The following AFF3 variants were observed in gnomAD, a reference collection of about 807,000 sequenced individuals.
AFF3 encodes the protein ALF transcription elongation factor 3.
Under a neutral mutation model 129.7 loss-of-function variants are expected in AFF3, and 32 were observed. That is an observed-to-expected ratio of 0.25 (90% CI 0.19 to 0.33). The LOEUF is 0.33. Ranked by LOEUF, AFF3 falls within the 10% of genes least tolerant of loss-of-function variation. The probability of loss-of-function intolerance (pLI) is 1.00; values close to 1 mark genes in which losing one functional copy is unlikely to be tolerated. For missense variants in AFF3, 1,373 were observed against 1,592.0 expected (o/e 0.86, Z 2.34); for synonymous variants, 644 against 635.4 (o/e 1.01, Z -0.20).
At chr2:99,769,711 C>T (rs1376605432) in intron 8 of AFF3, among the ~76,000 whole-genome samples, 3 of 152,192 alleles carry the variant, frequency 2.0e-5, no homozygotes, top group Non-Finnish European at 4.4e-5. Flanking sequence ...GGGGGCACCC[C>T]AAGTCCAGTA....
At chr2:99,556,810 G>A (rs747157525) in intron 22 of AFF3, among the ~76,000 whole-genome samples, 4 of 151,544 alleles carry the variant, frequency 2.6e-5, no homozygotes, top group Non-Finnish European at 5.9e-5. Flanking sequence ...TGGTCTCAGC[G>A]ACTTGGGAGG....
chr2:99,796,745 G>A (rs1685580293), intron 8 of AFF3, among the ~76,000 whole-genome samples: 1 of 152,130 alleles, frequency 6.6e-6, no homozygotes, highest in Non-Finnish European at 1.5e-5. Context: ...AAAATAACCT[G>A]AGGCTAGGGA....
intron 7 of AFF3, among the ~76,000 whole-genome samples, chr2:99,907,965 C>T (rs1425999800): frequency 6.6e-6 from 1 of 152,158 alleles, no homozygotes; most frequent in Non-Finnish European, 1.5e-5. Flanking sequence ...GAGTACTGGC[C>T]TATGACCATG....
At chr2:99,771,368 C>G (rs1357468438) in intron 8 of AFF3, among the ~76,000 whole-genome samples, 1 of 150,832 alleles carries the variant, frequency 6.6e-6, no homozygotes, top group South Asian at 2.1e-4. Flanking sequence ...ATGTAATAAG[C>G]CTGCATATCC....
At chr2:99,962,220 G>A (rs190362444) in intron 7 of AFF3, among the ~76,000 whole-genome samples, 2 of 152,254 alleles carry the variant, frequency 1.3e-5, no homozygotes, top group East Asian at 1.9e-4. Flanking sequence ...CACCAGCAGC[G>A]CAAGATAAAC....
At chr2:99,857,727 T>C (rs1474725711) in intron 7 of AFF3, among the ~76,000 whole-genome samples, 1 of 152,176 alleles carries the variant, frequency 6.6e-6, no homozygotes, top group Non-Finnish European at 1.5e-5. Flanking sequence ...TAAAAATAAT[T>C]AATCATTCTC....
intron 17 of AFF3, 95 bp downstream of exon 17, chr2:99,582,703 A>G: frequency 7.3e-7 from 1 of 1,362,154 alleles, no homozygotes; most frequent in Non-Finnish European, 1.0e-6. Flanking sequence ...AAGGGACCTC[A>G]AGCATGTGTT....
chr2:99,872,593 CAAAAATAAAATAAAATAAAA>C (rs1280044070), intron 7 of AFF3, among the ~76,000 whole-genome samples: 44 of 120,870 alleles, frequency 3.6e-4, no homozygotes, highest in Middle Eastern at 4.2e-3. Context: ...ATGCTTCTTA[CAAAAATAAAATAAAATAAAA>C]TAAAATAAAA....
chr2:99,821,359 T>C (rs1483694836), intron 8 of AFF3, among the ~76,000 whole-genome samples: 1 of 152,150 alleles, frequency 6.6e-6, no homozygotes, highest in African/African-American at 2.4e-5. Flanking sequence ...AAAATTATAG[T>C]ATAGTCCAGG....
At position 99,753,115 on chromosome 2, in the gene AFF3, T is replaced by A. The variant is rs150000751; in HGVS notation, c.922-814A>T. Reference sequence around the variant, plus strand: ...CCCTATTATTATTATTATTATTATTTTTTGAGATGGAGTCTCACTCTGTTG... The same window carrying A: ...CCCTATTATTATTATTATTATTATTATTTGAGATGGAGTCTCACTCTGTTG... On this transcript the variant is annotated intron_variant, in intron 8 of 24. Transcript: ENST00000672756. 4.5e-3 allele frequency among the ~76,000 whole-genome samples: 692 copies of A among 152,172 alleles called. 4 individuals are homozygous for A. The highest frequency in any genetic ancestry group is 0.016 in the African/African-American group (656 of 41,462).
chr2:100,105,954 G>A (rs928069906), intron 2 of AFF3: 1 of 1,327,690 alleles, frequency 7.5e-7, no homozygotes. Flanking sequence ...ACCGCTGACT[G>A]GGGCTGCCAG....
At chr2:100,087,957 C>CA (rs907633080) in intron 4 of AFF3, among the ~76,000 whole-genome samples, 3 of 150,552 alleles carry the variant, frequency 2.0e-5, no homozygotes, top group African/African-American at 7.3e-5. Flanking sequence ...AAGCCTTTGA[C>CA]AAAAATCACA....
intron 11 of AFF3, among the ~76,000 whole-genome samples, chr2:99,707,975 TATG>T (rs2104843621): frequency 6.6e-6 from 1 of 152,316 alleles, no homozygotes; most frequent in South Asian, 2.1e-4. Flanking sequence ...CTACAGTCTC[TATG>T]ATGTTTGGTA....
At chr2:99,892,296 A>C (rs2106089889) in intron 7 of AFF3, among the ~76,000 whole-genome samples, 1 of 152,354 alleles carries the variant, frequency 6.6e-6, no homozygotes, top group East Asian at 1.9e-4. Context: ...TTTTCATTAC[A>C]AAATTCATTA....
intron 10 of AFF3, among the ~76,000 whole-genome samples, chr2:99,742,810 G>GT (rs1468490919): frequency 6.6e-6 from 1 of 152,236 alleles, no homozygotes; most frequent in Non-Finnish European, 1.5e-5. Context: ...GTGAAATACT[G>GT]TAAGTCAGGA....
chr2:100,104,904 C>T, intron 3 of AFF3: 1 of 198,516 alleles, frequency 5.0e-6, no homozygotes, highest in Non-Finnish European at 8.7e-6. Context: ...GCGCGCGCAC[C>T]GTGAGCCCCG....
At chr2:99,875,115 G>A (rs1201968161) in intron 7 of AFF3, among the ~76,000 whole-genome samples, 1 of 152,102 alleles carries the variant, frequency 6.6e-6, no homozygotes, top group Non-Finnish European at 1.5e-5. Context: ...ACTTATTAAT[G>A]ACAGTGCTCC....
chr2:100,133,791 G>A (rs1692526491), intron 1 of AFF3, among the ~76,000 whole-genome samples: 1 of 152,144 alleles, frequency 6.6e-6, no homozygotes, highest in African/African-American at 2.4e-5. Context: ...AAATTACCCA[G>A]GCATGGTGGC....
intron 7 of AFF3, among the ~76,000 whole-genome samples, chr2:99,910,715 C>G (rs1695045493): frequency 6.6e-6 from 1 of 152,202 alleles, no homozygotes; most frequent in Non-Finnish European, 1.5e-5. Context: ...AAGCTCAAAT[C>G]CTGTCTACAG....
Sources: allele counts gnomAD v4.1 joint callset (sites outside exome capture counted in the v4.1 genomes callset), GRCh38; gene constraint gnomAD v4.1.1; transcripts MANE v1.5; gene names NCBI Gene and HGNC (gene_info 2026-07-23, HGNC 2026-07-21).